Variants in FYN observed in about 807,000 individuals in gnomAD.
FYN encodes FYN proto-oncogene, Src family tyrosine kinase, also known as tyrosine-protein kinase Fyn.
Under a neutral mutation model 70.2 loss-of-function variants are expected in FYN, and 10 were observed. The observed-to-expected ratio is 0.14, with a 90% CI of 0.09 to 0.24. FYN has a LOEUF of 0.24. FYN is among the 10% of genes least tolerant of loss of function. The pLI is 1.00. For missense variants in FYN, 319 were observed against 673.1 expected, an observed-to-expected ratio of 0.47 and a Z score of 5.82; for synonymous variants, 236 against 248.6, an observed-to-expected ratio of 0.95 and a Z score of 0.48.
chr6:111,744,188 A>C (rs1802106866), intron 3 of FYN, among the ~76,000 whole-genome samples: 1 of 152,236 alleles, frequency 6.6e-6, no homozygotes, highest in Admixed American at 6.5e-5. Flanking sequence ...TTGCTTTTAA[A>C]TATTACATTG....
At chr6:111,857,283 G>T (rs1773846992) in intron 1 of FYN, among the ~76,000 whole-genome samples, 1 of 152,160 alleles carries the variant, frequency 6.6e-6, no homozygotes, top group African/African-American at 2.4e-5. Context: ...ATTCATTAGA[G>T]AAAGGCTTGA....
chr6:111,771,320 T>A (rs1016853598), intron 3 of FYN, among the ~76,000 whole-genome samples: 7 of 152,098 alleles, frequency 4.6e-5, no homozygotes, highest in Admixed American at 6.5e-5. Context: ...TCAGAAAAAT[T>A]CAAAACAGCA....
chr6:111,689,222 G>A (rs804191), intron 12 of FYN, among the ~76,000 whole-genome samples: 15,527 of 152,102 alleles, frequency 0.1, 900 homozygotes, highest in Middle Eastern at 0.15. Context: ...ACTGGCCTGC[G>A]GACACCAAGC....
chr6:111,797,563 C>T (rs953585742), intron 2 of FYN, among the ~76,000 whole-genome samples: 1 of 149,234 alleles, frequency 6.7e-6, no homozygotes, highest in African/African-American at 2.5e-5. Flanking sequence ...ATAAATTAGT[C>T]TGCTCACACA....
intron 4 of FYN, 130 bp from the exon 5 acceptor site, chr6:111,714,573 T>C: frequency 1.4e-6 from 1 of 707,686 alleles, no homozygotes; most frequent in Non-Finnish European, 2.4e-6. Flanking sequence ...TGATGAAGTG[T>C]TGTAATTAAC....
intron 1 of FYN, among the ~76,000 whole-genome samples, chr6:111,854,786 C>A (rs894364166): frequency 6.6e-6 from 1 of 152,150 alleles, no homozygotes; most frequent in African/African-American, 2.4e-5. Context: ...TAAATTCACA[C>A]AAAATGCTTG....
intron 1 of FYN, among the ~76,000 whole-genome samples, chr6:111,870,829 C>T (rs901486147): frequency 3.9e-5 from 6 of 152,150 alleles, no homozygotes; most frequent in African/African-American, 1.4e-4. Context: ...CACATTCAAC[C>T]TTATCATTAA....
At chr6:111,709,075 C>T (rs1562483951) in intron 5 of FYN, 1 of 152,148 alleles carries the variant, frequency 6.6e-6, no homozygotes, top group East Asian at 1.9e-4. Context: ...CAGTCAACGA[C>T]ATGATTGCCC....
intron 2 of FYN, among the ~76,000 whole-genome samples, chr6:111,841,293 C>T (rs1475413519): frequency 6.6e-6 from 1 of 152,186 alleles, no homozygotes; most frequent in Non-Finnish European, 1.5e-5. Context: ...ATAAAAACAT[C>T]ATTACTACTT....
intron 13 of FYN, among the ~76,000 whole-genome samples, chr6:111,670,776 T>C (rs1234214699): frequency 5.7e-4 from 12 of 21,192 alleles, no homozygotes; most frequent in Non-Finnish European, 1.0e-3. Flanking sequence ...GGTGGGTGGG[T>C]GGTGGGGAGG....
chr6:111,823,459 G>A (rs1392440700), intron 2 of FYN, among the ~76,000 whole-genome samples: 3 of 152,150 alleles, frequency 2.0e-5, no homozygotes, highest in Non-Finnish European at 2.9e-5. Flanking sequence ...CAAGCGTTAC[G>A]GCTTTCTGTA....
chr6:111,714,785 C>G (rs1437682581), intron 4 of FYN, among the ~76,000 whole-genome samples: 1 of 152,220 alleles, frequency 6.6e-6, no homozygotes, highest in African/African-American at 2.4e-5. Flanking sequence ...CAGGGCTCTG[C>G]AGCAGTTACT....
In FYN at chr6:111,694,170, T is replaced by C. The variant is rs2071926; in HGVS notation, c.1273+205A>G. On this transcript the variant is annotated intron_variant, in intron 12 of 13. Transcript: ENST00000354650. This position sits in a 1 kb window ranked among gnomAD's most constrained non-coding sequence, Gnocchi z 5.0. ...TACCCACCCACCCACCAAAAACCAA[T>C]ATCTCATCCCTCCACTGGGCCCACA... Among the ~76,000 whole-genome samples, 65,653 of 151,728 alleles carry C rather than the reference T, an allele frequency of 0.43. 16,618 individuals carry two copies. Among genetic ancestry groups the C allele is most frequent in the Admixed American group, 0.58 (8,852 of 15,258 alleles).
intron 1 of FYN, among the ~76,000 whole-genome samples, chr6:111,860,060 G>A (rs1773919445): frequency 6.6e-6 from 1 of 152,116 alleles, no homozygotes; most frequent in African/African-American, 2.4e-5. Flanking sequence ...CCACAGAGAA[G>A]CCTGGGACAG....
intron 3 of FYN, among the ~76,000 whole-genome samples, chr6:111,720,339 C>T (rs558306297): frequency 1.3e-5 from 2 of 152,236 alleles, no homozygotes; most frequent in East Asian, 1.9e-4. Context: ...GCCTGTATCT[C>T]GTAAAATTCT....
At chr6:111,785,610 G>A (rs989581357) in intron 2 of FYN, among the ~76,000 whole-genome samples, 1 of 152,130 alleles carries the variant, frequency 6.6e-6, no homozygotes, top group Non-Finnish European at 1.5e-5. Flanking sequence ...TCAAGGCCAA[G>A]AGACTTGCCC....
At position 111,821,900 on chromosome 6, in the gene FYN, C is replaced by A. The variant is rs546861489; in HGVS notation, c.-82+24689G>T. Among the ~76,000 whole-genome samples, 234 of 152,266 alleles carry A rather than the reference C, an allele frequency of 1.5e-3. 1 individual carries two copies. Among genetic ancestry groups the A allele is most frequent in the Non-Finnish European group, 1.8e-3 (123 of 68,016 alleles). On this transcript the variant is annotated intron_variant, in intron 2 of 13. Coordinates refer to ENST00000354650, the MANE Select transcript of FYN (RefSeq NM_002037.5). ...AAAAATGATCATCATCACTGGCCAT[C>A]AGAGAAATGCAAATCAAAACCACAA...
At chr6:111,704,548 G>A (rs758713278) in intron 6 of FYN, among the ~76,000 whole-genome samples, 1 of 151,496 alleles carries the variant, frequency 6.6e-6, no homozygotes, top group Non-Finnish European at 1.5e-5. Context: ...GAGGTCAGGA[G>A]TTTGAGATCA....
At chr6:111,695,271 C>G (rs1208659845) in intron 10 of FYN, among the ~76,000 whole-genome samples, 1 of 152,206 alleles carries the variant, frequency 6.6e-6, no homozygotes, top group Non-Finnish European at 1.5e-5. Context: ...TTGAGACTCA[C>G]TAGCTTAGCT....
Sources: allele counts gnomAD v4.1 joint callset (sites outside exome capture counted in the v4.1 genomes callset), GRCh38; gene constraint gnomAD v4.1.1; non-coding constraint Gnocchi (gnomAD v3.1); transcripts MANE v1.5; gene names NCBI Gene and HGNC (gene_info 2026-07-23, HGNC 2026-07-21).